MYH13: variants seen among roughly 807,000 people sequenced by gnomAD.
MYH13 encodes myosin heavy chain 13.
In MYH13, 177 loss-of-function variants were observed where a neutral mutation model predicts 232.1. The observed-to-expected ratio is 0.76, with a 90% CI of 0.67 to 0.86. The LOEUF (loss-of-function observed/expected upper bound fraction) is 0.86, where lower values mean the gene tolerates loss of function less well. Ranked by LOEUF, MYH13 falls within the 40% of genes least tolerant of loss-of-function variation. The pLI, the probability that MYH13 is intolerant of heterozygous loss-of-function variation, is 0.00. For missense variants in MYH13, 2,246 were observed against 2,405.9 expected (o/e 0.93, Z 1.39); for synonymous variants, 884 against 923.5 (o/e 0.96, Z 0.78).
intron 15 of MYH13, among the ~76,000 whole-genome samples, chr17:10,344,681 C>T (rs186734479): frequency 9.9e-4 from 150 of 151,624 alleles, no homozygotes; most frequent in Middle Eastern, 6.8e-3. Flanking sequence ...ATTATCTGGG[C>T]GTGGTGGCGG....
Position 10,309,106 on chromosome 17 carries a change from G to C in MYH13, c.5169+128C>G, listed in dbSNP as rs545070062. The C allele has an allele frequency of 2.3e-4, 216 of 932,136 alleles. No homozygotes were observed. The African/African-American group carries it at 3.1e-3, about 14-fold the overall frequency. 57.7% of individuals were successfully genotyped at this position (932,136 alleles called of 1,614,324 possible). A position where few individuals can be genotyped will look rare whatever the true frequency, so the allele number is the denominator to read the frequency against. On this transcript the variant is annotated intron_variant, in intron 35 of 40. Coordinates refer to ENST00000252172, the MANE Select transcript of MYH13 (RefSeq NM_003802.3). ...AAAATTTGTCTTGACCACTAGTCTG[G>C]GAGAAACCGGGTGCTCCTTCCCACG...
At chr17:10,331,022 A>AAAAC (rs935573262) in intron 20 of MYH13, among the ~76,000 whole-genome samples, 2 of 152,090 alleles carry the variant, frequency 1.3e-5, no homozygotes, top group East Asian at 1.9e-4. Flanking sequence ...GTCTCAAAAC[A>AAAAC]AAACAAACAA....
chr17:10,334,323 A>C (rs1199668332), intron 18 of MYH13, among the ~76,000 whole-genome samples: 1 of 152,156 alleles, frequency 6.6e-6, no homozygotes, highest in Non-Finnish European at 1.5e-5. Flanking sequence ...CTATACAATT[A>C]GATGATTTTT....
intron 37 of MYH13, among the ~76,000 whole-genome samples, chr17:10,305,795 T>G (rs1049568751): frequency 3.9e-5 from 6 of 152,214 alleles, no homozygotes; most frequent in Admixed American, 2.0e-4. Context: ...GAATAATAAC[T>G]GCAGGATACG....
chr17:10,326,981 G>GTTTTTTTTTTTTT lies in MYH13; in HGVS notation c.2691+872_2691+884dup, dbSNP rs61543278. ...GAGACATGCACCACCATGCCTACTAGTTTTTTTTTTTTTTTTTTTTTTTTT... is the reference window on the plus strand; with the variant it reads ...GAGACATGCACCACCATGCCTACTAGTTTTTTTTTTTTTTTTTTTTTTTTTTTTTTTTTTTTTT... On this transcript the variant is annotated intron_variant, in intron 22 of 40. Transcript: ENST00000252172. Among the ~76,000 whole-genome samples, 377 of 55,830 alleles carry GTTTTTTTTTTTTT rather than the reference G, an allele frequency of 6.8e-3. 178 individuals carry two copies. The highest frequency in any genetic ancestry group is 0.023 in the Middle Eastern group (2 of 86). 36.6% of individuals were successfully genotyped at this position (55,830 alleles called of 152,430 possible).
At position 10,354,783 on chromosome 17, in the gene MYH13, T is replaced by C; in HGVS notation, c.902A>G (p.Asp301Gly). The part of the protein sequence containing the change: ...IMSNKKPELI[D>G]LLLISTNPFD... Reference sequence around the variant, plus strand: ...GGGGTTGGTGGAGATCAGAAGCAGGTCTGTGAAACACAGATATCCCTTTAA... The same window carrying C: ...GGGGTTGGTGGAGATCAGAAGCAGGCCTGTGAAACACAGATATCCCTTTAA... Residue 301 changes from aspartate (D) to glycine (G), a missense_variant and splice_region_variant, in exon 11 of 41, where the codon GAC becomes GGC. Transcript: ENST00000252172. 1 of 1,613,768 alleles carries C rather than the reference T, an allele frequency of 6.2e-7. No individual in the cohort carries two copies. The highest frequency in any genetic ancestry group is 1.3e-5 in the African/African-American group (1 of 75,010).
chr17:10,313,128 C>G (rs1835592622), intron 30 of MYH13, 30 bp downstream of exon 30: 4 of 1,613,934 alleles, frequency 2.5e-6, no homozygotes, highest in African/African-American at 1.3e-5. Context: ...CCTCGGGCCC[C>G]CTCTGCTATT....
In MYH13 at chr17:10,345,219, T is replaced by G. The variant is rs763845846; in HGVS notation, c.1567A>C (p.Ile523Leu). 1 of 1,614,146 alleles carries G rather than the reference T, an allele frequency of 6.2e-7. No individual in the cohort carries two copies. The highest frequency in any genetic ancestry group is 8.5e-7 in the Non-Finnish European group (1 of 1,179,990). ...CTCTCTACCTTCTCGATGAGCTCGA[T>G]GCAGGCAGCCAGGTCCATTCCGAAG... is the stretch of plus-strand genomic sequence containing the variant. ...IDFGMDLAAC[I>L]ELIEKPMGIF... Residue 523 changes from isoleucine to leucine, a missense_variant, in exon 15 of 41, where the codon ATC (isoleucine) becomes CTC (leucine). By Grantham distance (5) the Ile-to-Leu change is conservative. Coordinates refer to ENST00000252172, the MANE Select transcript of MYH13 (RefSeq NM_003802.3).
At chr17:10,344,507 T>C (rs1567667918) in intron 15 of MYH13, among the ~76,000 whole-genome samples, 1 of 152,184 alleles carries the variant, frequency 6.6e-6, no homozygotes, top group African/African-American at 2.4e-5. Context: ...TCAAATATTA[T>C]GGGAATTCCT....
Position 10,312,612 on chromosome 17 carries a change from A to G in MYH13, c.4327T>C (p.Cys1443Arg), listed in dbSNP as rs749320412. 6 of 1,613,424 alleles carry G rather than the reference A, an allele frequency of 3.7e-6. No individual in the cohort carries two copies. In the East Asian group the frequency reaches 6.7e-5, roughly 18 times the overall value. The change falls in exon 31 of 41, where the codon TGT becomes CGT. Residue 1443 changes from cysteine to arginine, a missense_variant. Cys to Arg is a radical substitution (Grantham distance 180, BLOSUM62 -3). Transcript: ENST00000252172. Reference sequence around the variant, plus strand: ...CTCTGCTTCTTGTCCAGTGTGGCACAGGCGGTGTGGGAGCGCTCCAGATCC... The same window carrying G: ...CTCTGCTTCTTGTCCAGTGTGGCACGGGCGGTGTGGGAGCGCTCCAGATCC... ...MRDLERSHTACATLDKKQRNF... is the reference protein window; with the variant it reads ...MRDLERSHTARATLDKKQRNF...
intron 8 of MYH13, among the ~76,000 whole-genome samples, chr17:10,356,025 G>A (rs2071747081): frequency 6.6e-6 from 1 of 152,014 alleles, no homozygotes. Flanking sequence ...CCACTTTCTG[G>A]GGAGTGGGAG....
intron 16 of MYH13, among the ~76,000 whole-genome samples, chr17:10,340,705 G>C (rs2071614053): frequency 6.6e-6 from 1 of 151,984 alleles, no homozygotes; most frequent in Admixed American, 6.6e-5. Context: ...TTTTAGTAGA[G>C]ATGAGATTTC....
chr17:10,350,114 T>A (rs1384152667), intron 12 of MYH13, among the ~76,000 whole-genome samples: 2 of 151,986 alleles, frequency 1.3e-5, no homozygotes, highest in Non-Finnish European at 2.9e-5. Context: ...TGGTTCAGGG[T>A]CAAGTTCAAC....
At chr17:10,324,688 C>A (rs2142238568) in intron 22 of MYH13, among the ~76,000 whole-genome samples, 1 of 150,260 alleles carries the variant, frequency 6.7e-6, no homozygotes, top group African/African-American at 2.4e-5. Flanking sequence ...CTCAGGTGAT[C>A]CTTCCGCCTC....
chr17:10,339,337 G>A, intron 18 of MYH13, among the ~76,000 whole-genome samples: 1 of 152,112 alleles, frequency 6.6e-6, no homozygotes, highest in East Asian at 1.9e-4. Flanking sequence ...ATTGCACAGG[G>A]TTCTATATTT....
At chr17:10,350,493 A>C in intron 12 of MYH13, 63 bp downstream of exon 12, 2 of 1,561,248 alleles carry the variant, frequency 1.3e-6, no homozygotes, top group Non-Finnish European at 1.7e-6. Flanking sequence ...TTTATCTCAC[A>C]CGGCCTCGCC....
intron 23 of MYH13, 126 bp downstream of exon 23, chr17:10,323,896 G>A: frequency 1.5e-6 from 2 of 1,298,682 alleles, no homozygotes; most frequent in African/African-American, 1.5e-5. Flanking sequence ...CCTTCACCTT[G>A]ACGCCAGCCT....
chr17:10,308,968 T>C (rs1298206628), intron 35 of MYH13, among the ~76,000 whole-genome samples: 1 of 152,272 alleles, frequency 6.6e-6, no homozygotes, highest in African/African-American at 2.4e-5. Flanking sequence ...TAATAATTAA[T>C]CCTTCGTTGC....
chr17:10,301,008 T>G (rs2142211839), intron 40 of MYH13, 43 bp from the exon 41 acceptor site: 1 of 1,566,752 alleles, frequency 6.4e-7, no homozygotes, highest in Admixed American at 1.7e-5. Flanking sequence ...ATGAGTCAAC[T>G]AAATGGGAGA....
Sources: gnomAD v4.1 joint callset for allele counts (sites outside exome capture counted in the v4.1 genomes callset) on GRCh38, gnomAD v4.1.1 for gene constraint, MANE v1.5 for transcripts, NCBI Gene and HGNC (gene_info 2026-07-23, HGNC 2026-07-21) for gene names.